RBFOX1: variants seen among roughly 807,000 people sequenced by gnomAD.
The protein encoded by RBFOX1 is RNA binding protein fox-1 homolog 1.
In RBFOX1, 8 loss-of-function variants were observed where a neutral mutation model predicts 57.7. That is an observed-to-expected ratio of 0.14 (90% CI 0.08 to 0.25). The LOEUF (loss-of-function observed/expected upper bound fraction) is 0.25. Ranked by LOEUF, RBFOX1 falls within the 10% of genes least tolerant of loss-of-function variation. The pLI is 1.00. For synonymous variants in RBFOX1, 326 were observed against 222.4 expected (o/e 1.47, Z -4.15); for missense variants, 611 against 548.5 (o/e 1.11, Z -1.14).
chr16:6,624,882 G>A (rs1036075189), intron 2 of RBFOX1, among the ~76,000 whole-genome samples: 1 of 152,026 alleles, frequency 6.6e-6, no homozygotes, highest in African/African-American at 2.4e-5. Context: ...GACATTCTGG[G>A]CTGGACGCGG....
At chr16:6,497,859 A>G (rs528229940) in intron 2 of RBFOX1, among the ~76,000 whole-genome samples, 25 of 152,054 alleles carry the variant, frequency 1.6e-4, no homozygotes, top group African/African-American at 4.6e-4. Flanking sequence ...TCCCGGCCCT[A>G]TTTTATATTC....
chr16:7,029,342 T>C (rs1373871563), intron 3 of RBFOX1, among the ~76,000 whole-genome samples: 4 of 148,504 alleles, frequency 2.7e-5, no homozygotes, highest in Non-Finnish European at 3.0e-5. Flanking sequence ...CCAGAAGAGA[T>C]TGGAAAGCTC....
intron 4 of RBFOX1, among the ~76,000 whole-genome samples, chr16:7,252,253 C>G (rs1445500448): frequency 6.6e-6 from 1 of 152,154 alleles, no homozygotes; most frequent in Non-Finnish European, 1.5e-5. Context: ...TTTATTCGTT[C>G]ATTCAAAACT....
intron 15 of RBFOX1, chr16:7,710,188 G>C (rs2083755860): frequency 2.9e-6 from 3 of 1,026,880 alleles, no homozygotes; most frequent in Non-Finnish European, 3.5e-6. Context: ...AGTTAAGTAA[G>C]AAGTAGGTTG....
chr16:7,038,058 A>G lies in RBFOX1; in HGVS notation c.-15-13999A>G, dbSNP rs149151855. On this transcript the variant is annotated intron_variant, in intron 3 of 15. Transcript: ENST00000550418. ...TATTCTATCCCAGTAGAGAGATTCA[A>G]ATGGTATGTAAATCCCCCACTTGCC... Among the ~76,000 whole-genome samples, 6 of 151,896 alleles carry G rather than the reference A, an allele frequency of 4.0e-5. No individual in the cohort carries two copies. In the East Asian group the frequency reaches 5.8e-4, roughly 15 times the overall value.
At chr16:5,924,431 C>A (rs1045334006) in intron 4 of RBFOX1, among the ~76,000 whole-genome samples, 1 of 152,130 alleles carries the variant, frequency 6.6e-6, no homozygotes, top group Non-Finnish European at 1.5e-5. Context: ...TCCTCCCTGG[C>A]AGGGGAATGC....
chr16:6,375,966 C>T (rs1232072800), intron 2 of RBFOX1, among the ~76,000 whole-genome samples: 1 of 152,144 alleles, frequency 6.6e-6, no homozygotes, highest in East Asian at 1.9e-4. Flanking sequence ...CTTTGGATCA[C>T]CCTGCTGCCT....
At chr16:7,118,445 G>A (rs1357611729) in intron 4 of RBFOX1, among the ~76,000 whole-genome samples, 1 of 151,976 alleles carries the variant, frequency 6.6e-6, no homozygotes, top group Non-Finnish European at 1.5e-5. Flanking sequence ...CAAGGAGGAG[G>A]GTAAAGGATG....
chr16:6,335,167 C>T (rs959605574), intron 2 of RBFOX1, among the ~76,000 whole-genome samples: 4 of 152,182 alleles, frequency 2.6e-5, no homozygotes, highest in African/African-American at 9.7e-5. Context: ...TTGCAAATGA[C>T]ACTCACACTG....
chr16:6,866,225 A>AT (rs1251805737), intron 3 of RBFOX1, among the ~76,000 whole-genome samples: 1 of 151,666 alleles, frequency 6.6e-6, no homozygotes, highest in Non-Finnish European at 1.5e-5. Context: ...TCTTCTCATC[A>AT]TTTTTTAAGG....
chr16:7,483,319 C>T (rs1057116181), intron 4 of RBFOX1, among the ~76,000 whole-genome samples: 1 of 152,126 alleles, frequency 6.6e-6, no homozygotes, highest in African/African-American at 2.4e-5. Context: ...ATCTGGCAGA[C>T]CTGTTGTCCT....
rs184465427 is a variant in RBFOX1, at chr16:5,857,747, C to G, written c.319-9556C>G. On this transcript the variant is annotated intron_variant, in intron 3 of 19. Coordinates refer to the RBFOX1 transcript ENST00000641259. ...GACCAGCCTGGGCAATATAGAGAAA[C>G]CCTGTCTCTACCAAGGAAAAAAAAA... Among the ~76,000 whole-genome samples the G allele has an allele frequency of 3.3e-3, 506 of 151,962 alleles. 4 individuals are homozygous for G. The highest frequency in any genetic ancestry group is 5.4e-3 in the Admixed American group (83 of 15,244).
At chr16:6,914,423 A>T (rs2072558091) in intron 3 of RBFOX1, among the ~76,000 whole-genome samples, 1 of 152,140 alleles carries the variant, frequency 6.6e-6, no homozygotes, top group Non-Finnish European at 1.5e-5. Flanking sequence ...AGAGAAGAGA[A>T]AAGACAGTAG....
At chr16:7,250,218 G>A (rs1006500029) in intron 4 of RBFOX1, among the ~76,000 whole-genome samples, 2 of 152,192 alleles carry the variant, frequency 1.3e-5, no homozygotes, top group Non-Finnish European at 1.5e-5. Context: ...GGTATGTGAA[G>A]CATGATTTCA....
intron 2 of RBFOX1, among the ~76,000 whole-genome samples, chr16:6,519,269 G>A (rs911161593): frequency 6.6e-6 from 1 of 152,080 alleles, no homozygotes; most frequent in Non-Finnish European, 1.5e-5. Context: ...ACCAGAAAGG[G>A]TCAAATGAAA....
intron 4 of RBFOX1, among the ~76,000 whole-genome samples, chr16:7,235,141 A>T (rs2152939271): frequency 6.6e-6 from 1 of 152,358 alleles, no homozygotes; most frequent in South Asian, 2.1e-4. Context: ...GGTAGTAGTC[A>T]CACTAATAAT....
chr16:7,306,682 G>C (rs1278793872), intron 4 of RBFOX1, among the ~76,000 whole-genome samples: 2 of 152,008 alleles, frequency 1.3e-5, no homozygotes, highest in Non-Finnish European at 2.9e-5. Context: ...TTCAGAATTA[G>C]GTTTTCTAGC....
chr16:6,750,879 G>T (rs570824898), intron 3 of RBFOX1, among the ~76,000 whole-genome samples: 51 of 152,308 alleles, frequency 3.3e-4, no homozygotes, highest in African/African-American at 1.2e-3. Flanking sequence ...GTGAGTGATG[G>T]TAGAAGATAC....
chr16:5,894,871 T>C (rs2058125432), intron 4 of RBFOX1, among the ~76,000 whole-genome samples: 1 of 147,798 alleles, frequency 6.8e-6, no homozygotes, highest in Non-Finnish European at 1.5e-5. Context: ...AATACAAAAA[T>C]ATTAGCTACG....
Sources: gnomAD v4.1 joint callset for allele counts (sites outside exome capture counted in the v4.1 genomes callset) on GRCh38, gnomAD v4.1.1 for gene constraint, MANE v1.5 for transcripts, NCBI Gene and HGNC (gene_info 2026-07-23, HGNC 2026-07-21) for gene names.